Variants in NFIC observed in about 807,000 individuals in gnomAD.
The protein encoded by NFIC is nuclear factor I C.
Under a neutral mutation model 54.4 loss-of-function variants are expected in NFIC, and 12 were observed. The ratio of observed to expected loss-of-function variants is 0.22; its 90% CI spans 0.14 to 0.36. The LOEUF is 0.36. Among genes scored for constraint, NFIC ranks in the 10% least tolerant of loss-of-function variants. NFIC has a pLI of 1.00. For missense variants in NFIC, 575 were observed against 718.2 expected (o/e 0.80, Z 2.28); for synonymous variants, 322 against 319.2 (o/e 1.01, Z -0.09).
rs1213735151 is a variant in NFIC at position 3,468,175 on chromosome 19, G to T, written c.*5406G>T. 1 of 151,994 alleles carries T rather than the reference G, an allele frequency of 6.6e-6. No individual in the cohort carries two copies. The highest frequency in any genetic ancestry group is 1.5e-5 in the Non-Finnish European group (1 of 68,072). The allele number at this position is 151,994 out of a possible 1,614,324, so 9.4% of individuals were successfully genotyped here. A position where few individuals can be genotyped will look rare whatever the true frequency, so the allele number is the denominator to read the frequency against. On this transcript the variant is annotated 3_prime_UTR_variant, in exon 11 of 11. Coordinates refer to ENST00000443272, the MANE Select transcript of NFIC (RefSeq NM_001245002.2). ...TCACATGTCTGCTGGTGTGGCTTTG[G>T]GATTCTCCTGCCCCACCCCCCCGTC...
intron 1 of NFIC, among the ~76,000 whole-genome samples, chr19:3,368,800 C>CCACCCA (rs1438936089): frequency 2.6e-5 from 4 of 152,316 alleles, no homozygotes; most frequent in Non-Finnish European, 5.9e-5. Flanking sequence ...CAGGAGCCTC[C>CCACCCA]CACCCAAGTC....
At chr19:3,380,168 T>G (rs547629050) in intron 1 of NFIC, among the ~76,000 whole-genome samples, 32 of 147,188 alleles carry the variant, frequency 2.2e-4, no homozygotes, top group Admixed American at 2.0e-3. Flanking sequence ...GCCCGGCTAA[T>G]TTTTTTGTTT....
chr19:3,395,731 A>C (rs985234170), intron 2 of NFIC, among the ~76,000 whole-genome samples: 5 of 151,782 alleles, frequency 3.3e-5, no homozygotes, highest in Non-Finnish European at 7.4e-5. Flanking sequence ...CCCAGGCTGG[A>C]GTGCAGTGGC....
At chr19:3,384,532 G>A (rs1045434700) in intron 2 of NFIC, among the ~76,000 whole-genome samples, 2 of 152,138 alleles carry the variant, frequency 1.3e-5, no homozygotes, top group African/African-American at 4.8e-5. Flanking sequence ...GGGCTTACAG[G>A]TGACTGCCAC....
Position 3,464,609 on chromosome 19 carries a change from AGC to A in NFIC, c.*1841_*1842del. 1 of 965,912 alleles carries A rather than the reference AGC, an allele frequency of 1.0e-6. No individual in the cohort carries two copies. Among genetic ancestry groups the A allele is most frequent in the Non-Finnish European group, 1.2e-6 (1 of 816,118 alleles). The allele number at this position is 965,912 out of a possible 1,614,324, so 59.8% of individuals were successfully genotyped here. On this transcript the variant is annotated 3_prime_UTR_variant, in exon 11 of 11. Coordinates refer to ENST00000443272, the MANE Select transcript of NFIC (RefSeq NM_001245002.2). Reference sequence around the variant, plus strand: ...TGCCCCCTCCCCCGACCCAGGCCAAAGCCAGGGCAGGTCTCCGGGTCTCACCT... The same window carrying A: ...TGCCCCCTCCCCCGACCCAGGCCAAACAGGGCAGGTCTCCGGGTCTCACCT...
At chr19:3,380,106 A>G (rs867123441) in intron 1 of NFIC, among the ~76,000 whole-genome samples, 1 of 146,664 alleles carries the variant, frequency 6.8e-6, no homozygotes, top group Non-Finnish European at 1.5e-5. Flanking sequence ...GTTCATGCCA[A>G]TCTCCTGCCT....
chr19:3,362,182 G>A (rs1479590726), upstream of NFIC, among the ~76,000 whole-genome samples: 1 of 152,182 alleles, frequency 6.6e-6, no homozygotes, highest in East Asian at 1.9e-4. Context: ...GACTCTGTGT[G>A]TGCCTGTATG....
chr19:3,425,696 G>T (rs1041915134), intron 3 of NFIC, among the ~76,000 whole-genome samples: 10 of 151,872 alleles, frequency 6.6e-5, no homozygotes, highest in Non-Finnish European at 1.5e-4. Flanking sequence ...CTGACCTCAG[G>T]TGATCCGCCT....
Position 3,463,619 on chromosome 19 carries a change from G to GCCCCCC in NFIC, c.*850_*851insCCCCCC. Reference sequence around the variant, plus strand: ...GAGAAGTCTCTATGCAATTGGCCCCGGCCCCTCCACCCCCCACCCCCGGCA... The same window carrying GCCCCCC: ...GAGAAGTCTCTATGCAATTGGCCCCGCCCCCCGCCCCTCCACCCCCCACCCCCGGCA... On this transcript the variant is annotated 3_prime_UTR_variant, in exon 11 of 11. Transcript: ENST00000443272. The GCCCCCC allele has an allele frequency of 9.8e-6, 3 of 305,652 alleles. No individual in the cohort carries two copies. Among genetic ancestry groups the GCCCCCC allele is most frequent in the Non-Finnish European group, 1.2e-5 (3 of 240,388 alleles). The allele number at this position is 305,652 out of a possible 1,614,324, so 18.9% of individuals were successfully genotyped here. A position where few individuals can be genotyped will look rare whatever the true frequency, so the allele number is the denominator to read the frequency against.
At chr19:3,371,998 CCT>C (rs56852086) in intron 1 of NFIC, among the ~76,000 whole-genome samples, 2,971 of 35,380 alleles carry the variant, frequency 0.084, 278 homozygotes, top group Non-Finnish European at 0.11. Context: ...CCTCTCTCTC[CCT>C]CTCTCTCTCT....
intron 1 of NFIC, among the ~76,000 whole-genome samples, chr19:3,372,488 C>T (rs1599560354): frequency 6.6e-6 from 1 of 152,184 alleles, no homozygotes; most frequent in Admixed American, 6.5e-5. Flanking sequence ...GAGATGCTAA[C>T]AGATCAAAGC....
upstream of NFIC, among the ~76,000 whole-genome samples, chr19:3,361,727 T>C (rs1191177047): frequency 6.6e-6 from 1 of 151,926 alleles, no homozygotes; most frequent in East Asian, 1.9e-4. Context: ...GACTCACAGC[T>C]ATCTCCCTCC....
At chr19:3,367,958 A>G (rs1252569791) in intron 1 of NFIC, among the ~76,000 whole-genome samples, 2 of 152,082 alleles carry the variant, frequency 1.3e-5, no homozygotes, top group Admixed American at 1.3e-4. Context: ...CCGACAGGGA[A>G]TGTGGGAGCT....
chr19:3,371,890 T>TCCTTCCTTCCTTCTTTCCTC (rs2081018061), intron 1 of NFIC, among the ~76,000 whole-genome samples: 1 of 73,110 alleles, frequency 1.4e-5, no homozygotes. Context: ...TCTCCTTCCT[T>TCCTTCCTTCCTTCTTTCCTC]CCTTCCTTCC....
At chr19:3,437,619 G>A (rs1230157017) in intron 6 of NFIC, among the ~76,000 whole-genome samples, 1 of 130,816 alleles carries the variant, frequency 7.6e-6, no homozygotes, top group Non-Finnish European at 1.6e-5. Flanking sequence ...CTGGGCAACA[G>A]AACGAGACTA....
chr19:3,389,164 AT>A (rs1230482337), intron 2 of NFIC, among the ~76,000 whole-genome samples: 1 of 152,240 alleles, frequency 6.6e-6, no homozygotes, highest in East Asian at 1.9e-4. Context: ...GAATGAATGA[AT>A]GAATGAGGTG....
chr19:3,381,366 G>C (rs1017894706), intron 1 of NFIC, among the ~76,000 whole-genome samples: 1 of 139,364 alleles, frequency 7.2e-6, no homozygotes, highest in Non-Finnish European at 1.5e-5. Flanking sequence ...CTGCACTCCA[G>C]CCTTAGCGTT....
At chr19:3,420,418 G>A (rs978843607) in intron 2 of NFIC, among the ~76,000 whole-genome samples, 1 of 151,966 alleles carries the variant, frequency 6.6e-6, no homozygotes, top group Admixed American at 6.6e-5. Context: ...TGGGCGTGGT[G>A]GCACGTGCCT....
At position 3,434,300 on chromosome 19, in the gene NFIC, C is replaced by A. The variant is rs1390133558; in HGVS notation, c.733C>A (p.Pro245Thr). Reference sequence around the variant, plus strand: ...AGCACCCGTGGTGACTGGAACAGGACCCAACTTCTCCCTGGGGGAGCTGCA... The same window carrying A: ...AGCACCCGTGGTGACTGGAACAGGAACCAACTTCTCCCTGGGGGAGCTGCA... ...SRTPVVTGTG[P>T]NFSLGELQGH... The change falls in exon 5 of 11, where the codon CCC (proline) becomes ACC (threonine). Residue 245 changes from proline to threonine, a missense_variant. Physicochemically the swap from Pro to Thr is conservative, Grantham distance 38. Transcript: ENST00000443272. The A allele has an allele frequency of 6.2e-7, 1 of 1,612,654 alleles. No individual in the cohort carries two copies. The highest frequency in any genetic ancestry group is 1.1e-5 in the South Asian group (1 of 91,002).
Sources: allele counts gnomAD v4.1 joint callset (sites outside exome capture counted in the v4.1 genomes callset), GRCh38; gene constraint gnomAD v4.1.1; transcripts MANE v1.5; gene names NCBI Gene and HGNC (gene_info 2026-07-23, HGNC 2026-07-21).